POU2F1: variants seen among roughly 807,000 people sequenced by gnomAD.
POU2F1 encodes POU domain, class 2, transcription factor 1.
POU2F1 carries 16 observed loss-of-function variants against 84.9 expected under a neutral mutation model. The observed-to-expected ratio is 0.19, with a 90% CI of 0.13 to 0.29. POU2F1 has a LOEUF of 0.29. Ranked by LOEUF, POU2F1 falls within the 10% of genes least tolerant of loss-of-function variation. The pLI is 1.00. For missense variants in POU2F1, 738 were observed against 942.6 expected (o/e 0.78, Z 2.84); for synonymous variants, 368 against 368.3 (o/e 1.00, Z 0.01).
intron 1 of POU2F1, among the ~76,000 whole-genome samples, chr1:167,286,406 C>T (rs146972535): frequency 6.6e-6 from 1 of 152,164 alleles, no homozygotes; most frequent in Non-Finnish European, 1.5e-5. Flanking sequence ...TTCCTACTCT[C>T]CTGTTTAGAG....
intron 10 of POU2F1, among the ~76,000 whole-genome samples, chr1:167,397,591 G>A (rs997921164): frequency 3.3e-5 from 5 of 152,194 alleles, no homozygotes; most frequent in East Asian, 1.9e-4. Flanking sequence ...TGTTGTCCAG[G>A]CTGGAGTGCA....
intron 2 of POU2F1, among the ~76,000 whole-genome samples, chr1:167,365,040 TTAA>T (rs2101829022): frequency 6.6e-6 from 1 of 152,316 alleles, no homozygotes; most frequent in Non-Finnish European, 1.5e-5. Flanking sequence ...GTGTTCAGAG[TTAA>T]TAATAAGTCT....
intron 1 of POU2F1, among the ~76,000 whole-genome samples, chr1:167,300,366 T>G (rs931554569): frequency 2.0e-5 from 3 of 152,182 alleles, no homozygotes; most frequent in Non-Finnish European, 2.9e-5. Flanking sequence ...AACTTCAGTA[T>G]CATGCAATAT....
chr1:167,391,798 A>T (rs1648432618), intron 9 of POU2F1, among the ~76,000 whole-genome samples: 1 of 151,456 alleles, frequency 6.6e-6, no homozygotes, highest in Admixed American at 6.6e-5. Flanking sequence ...GCTCAACCAA[A>T]TCCACCCACG....
At chr1:167,221,097 T>G in intron 1 of POU2F1, 139 bp downstream of exon 1, 1 of 821,602 alleles carries the variant, frequency 1.2e-6, no homozygotes, top group Admixed American at 2.4e-5. Context: ...CGGGGAGCAT[T>G]GAGCCCCCGC....
intron 1 of POU2F1, among the ~76,000 whole-genome samples, chr1:167,270,105 G>A (rs552926868): frequency 3.3e-5 from 5 of 152,066 alleles, no homozygotes; most frequent in South Asian, 2.1e-4. Flanking sequence ...ACATTAAAGG[G>A]ATTAAAGAAG....
intron 1 of POU2F1, chr1:167,329,093 G>T (rs1656901234): frequency 7.8e-7 from 1 of 1,285,038 alleles, no homozygotes; most frequent in East Asian, 3.5e-5. Flanking sequence ...AGATTGCTAT[G>T]GTGTAACAGA....
At chr1:167,235,245 C>T (rs992557213) in intron 1 of POU2F1, among the ~76,000 whole-genome samples, 2 of 152,180 alleles carry the variant, frequency 1.3e-5, no homozygotes, top group African/African-American at 2.4e-5. Context: ...AGTGCTTTCC[C>T]TACCCTCTGA....
At chr1:167,344,910 C>T (rs138179377) in intron 2 of POU2F1, among the ~76,000 whole-genome samples, 2 of 152,262 alleles carry the variant, frequency 1.3e-5, no homozygotes, top group Non-Finnish European at 1.5e-5. Flanking sequence ...GTGTCCTTTG[C>T]AGGGACATTG....
chr1:167,255,976 C>A (rs1651100752), intron 1 of POU2F1, among the ~76,000 whole-genome samples: 2 of 152,234 alleles, frequency 1.3e-5, no homozygotes, highest in South Asian at 4.1e-4. Flanking sequence ...TCACTCCTTT[C>A]CTACTTTTAG....
intron 1 of POU2F1, among the ~76,000 whole-genome samples, chr1:167,280,313 A>ATT (rs539166486): frequency 0.016 from 2,277 of 145,416 alleles, 63 homozygotes; most frequent in African/African-American, 0.055. Flanking sequence ...TTTGAGCTTG[A>ATT]TTTTTTTTTT....
At chr1:167,251,406 CAAACAAAT>C (rs919246966) in intron 1 of POU2F1, among the ~76,000 whole-genome samples, 4 of 150,274 alleles carry the variant, frequency 2.7e-5, no homozygotes, top group African/African-American at 7.5e-5. Context: ...CATAAACAAA[CAAACAAAT>C]AAATAAATAA....
intron 1 of POU2F1, among the ~76,000 whole-genome samples, chr1:167,222,350 A>G (rs74121531): frequency 6.6e-6 from 1 of 152,202 alleles, no homozygotes; most frequent in African/African-American, 2.4e-5. Context: ...GGAGGTTTAT[A>G]TTATTGAAAT....
At chr1:167,387,124 G>A (rs1648038069) in intron 8 of POU2F1, 1 of 455,608 alleles carries the variant, frequency 2.2e-6, no homozygotes, top group African/African-American at 2.0e-5. Context: ...ATGGTGGCAG[G>A]GCCGTTGTGG....
chr1:167,400,947 G>A (rs1226970495), intron 12 of POU2F1, among the ~76,000 whole-genome samples: 1 of 152,106 alleles, frequency 6.6e-6, no homozygotes, highest in Non-Finnish European at 1.5e-5. Flanking sequence ...TTTTGTAAAG[G>A]TGATGTTTGT....
chr1:167,258,172 A>T (rs1454980458), intron 1 of POU2F1, among the ~76,000 whole-genome samples: 1 of 152,218 alleles, frequency 6.6e-6, no homozygotes, highest in Non-Finnish European at 1.5e-5. Flanking sequence ...TTATAGCTCC[A>T]GATGAATGAA....
At chr1:167,284,924 A>G (rs1653411665) in intron 1 of POU2F1, among the ~76,000 whole-genome samples, 1 of 152,246 alleles carries the variant, frequency 6.6e-6, no homozygotes, top group Non-Finnish European at 1.5e-5. Flanking sequence ...TTTTGTTGCA[A>G]GTATAACAGA....
chr1:167,258,227 G>A (rs430850), intron 1 of POU2F1, among the ~76,000 whole-genome samples: 2,572 of 152,182 alleles, frequency 0.017, 73 homozygotes, highest in African/African-American at 0.058. Flanking sequence ...AAGTGACTGC[G>A]GGTAACATTT....
intron 1 of POU2F1, among the ~76,000 whole-genome samples, chr1:167,228,327 T>C (rs529083979): frequency 1.3e-5 from 2 of 152,326 alleles, no homozygotes; most frequent in African/African-American, 4.8e-5. Context: ...ATTAGATCCA[T>C]AGAAACCAGT....
Sources: gnomAD v4.1 joint callset for allele counts (sites outside exome capture counted in the v4.1 genomes callset) on GRCh38, gnomAD v4.1.1 for gene constraint, MANE v1.5 for transcripts, NCBI Gene and HGNC (gene_info 2026-07-23, HGNC 2026-07-21) for gene names.